DPYD: variants seen among roughly 807,000 people sequenced by gnomAD.
DPYD encodes dihydropyrimidine dehydrogenase.
Under a neutral mutation model 116.2 loss-of-function variants are expected in DPYD, and 109 were observed. That is an observed-to-expected ratio of 0.94 (90% CI 0.80 to 1.10). The LOEUF (loss-of-function observed/expected upper bound fraction) is 1.10. Ranked by LOEUF, DPYD falls within the 50% of genes least tolerant of loss-of-function variation. The pLI, the probability that DPYD is intolerant of heterozygous loss-of-function variation, is 0.00. For synonymous variants in DPYD, 440 were observed against 432.0 expected (o/e 1.02, Z -0.23); for missense variants, 1,302 against 1,254.5 (o/e 1.04, Z -0.57).
chr1:97,593,108 T>C, intron 10 of DPYD, 110 bp downstream of exon 10: 1 of 1,370,796 alleles, frequency 7.3e-7, no homozygotes, highest in South Asian at 1.2e-5. Flanking sequence ...CCTGAAATTT[T>C]TAAACTTGAA....
intron 14 of DPYD, among the ~76,000 whole-genome samples, chr1:97,433,972 A>G (rs1483523592): frequency 2.0e-5 from 3 of 152,056 alleles, no homozygotes; most frequent in Non-Finnish European, 4.4e-5. Context: ...TTCATTTCCT[A>G]TATTAAGACA....
chr1:97,831,264 A>C (rs1669527269), intron 2 of DPYD, among the ~76,000 whole-genome samples: 1 of 152,252 alleles, frequency 6.6e-6, no homozygotes, highest in Non-Finnish European at 1.5e-5. Flanking sequence ...TAACATCTTT[A>C]TCTGCTCAAA....
chr1:97,909,370 CTA>C (rs1673809084), intron 1 of DPYD, among the ~76,000 whole-genome samples: 1 of 152,068 alleles, frequency 6.6e-6, no homozygotes, highest in South Asian at 2.1e-4. Context: ...TCTTTCAACT[CTA>C]GTTTCCCCAC....
intron 3 of DPYD, among the ~76,000 whole-genome samples, chr1:97,765,068 G>A (rs564268500): frequency 5.1e-4 from 77 of 152,058 alleles, no homozygotes; most frequent in African/African-American, 1.3e-3. Flanking sequence ...TAATGGTATT[G>A]CCCATTTCCT....
intron 12 of DPYD, among the ~76,000 whole-genome samples, chr1:97,531,297 G>A (rs1488962354): frequency 6.6e-6 from 1 of 152,102 alleles, no homozygotes; most frequent in Non-Finnish European, 1.5e-5. Context: ...TTTTGTCTGT[G>A]GTGAAAGAAA....
intron 18 of DPYD, among the ~76,000 whole-genome samples, chr1:97,260,957 C>G (rs2100848928): frequency 1.3e-5 from 2 of 152,178 alleles, no homozygotes; most frequent in South Asian, 2.1e-4. Context: ...ACAGGCATAT[C>G]AAACTTCAGA....
At chr1:97,280,121 C>G (rs1665217021) in intron 18 of DPYD, 1 of 152,176 alleles carries the variant, frequency 6.6e-6, no homozygotes, top group Non-Finnish European at 1.5e-5. Context: ...ATTTCACTCA[C>G]ATACTCAAGG....
rs758514883 is a variant in DPYD, at chr1:97,573,982, C to A, written c.1129-12G>T. 1.2e-6 allele frequency: 2 copies of A among 1,613,024 alleles called. No individual in the cohort carries two copies. The stretch of plus-strand genomic sequence containing the variant: ...TTAGCAAGTTCCATCTAAAACAAAA[C>A]AGAACAGAGAAGAAACTTGAAAATG... On this transcript the variant is annotated splice_polypyrimidine_tract_variant and intron_variant, in intron 10 of 22. Coordinates refer to ENST00000370192, the MANE Select transcript of DPYD (RefSeq NM_000110.4).
At chr1:97,587,453 G>T (rs953557293) in intron 10 of DPYD, among the ~76,000 whole-genome samples, 2 of 151,960 alleles carry the variant, frequency 1.3e-5, no homozygotes, top group African/African-American at 4.8e-5. Context: ...AGCTTATGGG[G>T]GCTATTTTCT....
At chr1:97,917,638 C>T (rs555605998) in intron 1 of DPYD, among the ~76,000 whole-genome samples, 1 of 152,246 alleles carries the variant, frequency 6.6e-6, no homozygotes, top group East Asian at 1.9e-4. Flanking sequence ...GTTTATAACC[C>T]TTTAACATTC....
At chr1:97,119,240 G>A (rs1353372740) in intron 20 of DPYD, among the ~76,000 whole-genome samples, 1 of 152,192 alleles carries the variant, frequency 6.6e-6, no homozygotes, top group African/African-American at 2.4e-5. Flanking sequence ...ATGGGTCTCA[G>A]CACTTTAGTA....
intron 2 of DPYD, among the ~76,000 whole-genome samples, chr1:97,860,507 C>T (rs1272771637): frequency 2.0e-5 from 3 of 152,070 alleles, no homozygotes. Context: ...GAAACCAACA[C>T]ATAGCAGAGA....
At chr1:97,364,811 GT>G (rs1252340084) in intron 16 of DPYD, among the ~76,000 whole-genome samples, 1 of 152,072 alleles carries the variant, frequency 6.6e-6, no homozygotes, top group Non-Finnish European at 1.5e-5. Context: ...ATACTCCTAA[GT>G]TGTAAAATGC....
At chr1:97,117,855 T>C (rs754094564) in intron 20 of DPYD, among the ~76,000 whole-genome samples, 50 of 152,162 alleles carry the variant, frequency 3.3e-4, no homozygotes, top group African/African-American at 1.2e-3. Context: ...ATCTTTTTAA[T>C]AATAAATTTT....
chr1:97,136,501 C>T (rs1410987813), intron 20 of DPYD, among the ~76,000 whole-genome samples: 1 of 152,070 alleles, frequency 6.6e-6, no homozygotes, highest in Non-Finnish European at 1.5e-5. Flanking sequence ...TCCTTTTGGA[C>T]ACGTAATGAG....
At chr1:97,705,468 A>AT (rs1306929029) in intron 5 of DPYD, among the ~76,000 whole-genome samples, 5 of 152,002 alleles carry the variant, frequency 3.3e-5, no homozygotes, top group East Asian at 1.9e-4. Flanking sequence ...TGAACTCATC[A>AT]TTTTTTATGG....
chr1:97,099,716 A>C (rs1372056761), intron 20 of DPYD, among the ~76,000 whole-genome samples: 1 of 152,062 alleles, frequency 6.6e-6, no homozygotes, highest in Non-Finnish European at 1.5e-5. Flanking sequence ...CTGATCTCTG[A>C]CCTAGCAAGT....
intron 8 of DPYD, among the ~76,000 whole-genome samples, chr1:97,673,325 T>C (rs1332423077): frequency 6.6e-6 from 1 of 152,152 alleles, no homozygotes; most frequent in Non-Finnish European, 1.5e-5. Context: ...TCACCACTGC[T>C]AATATCACTA....
intron 8 of DPYD, among the ~76,000 whole-genome samples, chr1:97,597,798 T>C (rs1216099702): frequency 6.6e-6 from 1 of 152,120 alleles, no homozygotes; most frequent in African/African-American, 2.4e-5. Context: ...GCTCCCACAA[T>C]TAAATAGCCC....
Sources: gnomAD v4.1 joint callset for allele counts (sites outside exome capture counted in the v4.1 genomes callset) on GRCh38, gnomAD v4.1.1 for gene constraint, MANE v1.5 for transcripts, NCBI Gene and HGNC (gene_info 2026-07-23, HGNC 2026-07-21) for gene names.